TMEM255B: variants seen among roughly 807,000 people sequenced by gnomAD.
TMEM255B encodes the protein transmembrane protein 255B.
In TMEM255B, 35 loss-of-function variants were observed where a neutral mutation model predicts 34.5. The ratio of observed to expected loss-of-function variants is 1.01; its 90% CI spans 0.77 to 1.34. The LOEUF (loss-of-function observed/expected upper bound fraction) is 1.34. Ranked by LOEUF, TMEM255B falls within the 40% of genes most tolerant of loss-of-function variation. The pLI, the probability that TMEM255B is intolerant of heterozygous loss-of-function variation, is 0.00. For synonymous variants in TMEM255B, 206 were observed against 201.2 expected (o/e 1.02, Z -0.20); for missense variants, 432 against 433.2 (o/e 1.00, Z 0.02).
intron 7 of TMEM255B, 70 bp downstream of exon 7, chr13:113,801,882 G>A (rs774263605): frequency 5.8e-5 from 85 of 1,459,790 alleles, no homozygotes; most frequent in Non-Finnish European, 7.6e-5. Context: ...CCCCGGGGTG[G>A]GCTGGGGGGC....
chr13:113,766,761 C>T (rs1348208726), intron 2 of TMEM255B, among the ~76,000 whole-genome samples: 2 of 152,158 alleles, frequency 1.3e-5, no homozygotes, highest in African/African-American at 2.4e-5. Context: ...GGTCAAAGAT[C>T]GTATTAGTGA....
chr13:113,764,297 GT>G (rs1264289761), intron 1 of TMEM255B, among the ~76,000 whole-genome samples: 3 of 152,190 alleles, frequency 2.0e-5, no homozygotes, highest in Non-Finnish European at 4.4e-5. Flanking sequence ...ACCCCTCTAG[GT>G]TTATTCAGTG....
chr13:113,780,706 C>T lies in TMEM255B; in HGVS notation c.252+11546C>T, dbSNP rs188088308. Among the ~76,000 whole-genome samples the T allele has an allele frequency of 2.6e-5, 4 of 152,258 alleles. No individual in the cohort carries two copies. In the East Asian group the frequency reaches 7.7e-4, roughly 29 times the overall value. On this transcript the variant is annotated intron_variant, in intron 3 of 8. Transcript: ENST00000375353. ...CACAGTCTTCAAAGTTATCAGAAAC[C>T]TGTATTGAAGAGCACCTGGTAAAAC...
rs35808106 is a variant in TMEM255B at position 113,766,231 on chromosome 13, G to A, written c.163G>A (p.Val55Ile). ...AATTRTENVT[V>I]GGYYPGIILG... ...CACCACCAGGACGGAGAATGTGACC[G>A]TTGGGGGCTACTACCCAGGGATCAT... Residue 55 changes from valine to isoleucine, a missense_variant, in exon 2 of 9, where the codon GTT becomes ATT. By Grantham distance (29) the Val-to-Ile change is conservative. Coordinates refer to ENST00000375353, the MANE Select transcript of TMEM255B (RefSeq NM_182614.4). 2.0e-3 allele frequency: 3,236 copies of A among 1,614,202 alleles called. 4 individuals are homozygous for A. The highest frequency in any genetic ancestry group is 2.6e-3 in the Non-Finnish European group (3,034 of 1,180,020).
At chr13:113,772,416 A>C (rs939654989) in intron 3 of TMEM255B, among the ~76,000 whole-genome samples, 1 of 152,214 alleles carries the variant, frequency 6.6e-6, no homozygotes, top group Non-Finnish European at 1.5e-5. Flanking sequence ...TACAAATCTA[A>C]GGACATGAAG....
At chr13:113,810,203 C>T (rs2051272749) in intron 8 of TMEM255B, among the ~76,000 whole-genome samples, 2 of 152,124 alleles carry the variant, frequency 1.3e-5, no homozygotes, top group African/African-American at 4.8e-5. Context: ...TCTCATGGGA[C>T]CCTGCAGGCT....
intron 8 of TMEM255B, among the ~76,000 whole-genome samples, chr13:113,809,591 AGGG>A (rs1398002549): frequency 2.2e-5 from 1 of 44,718 alleles, no homozygotes; most frequent in Non-Finnish European, 4.2e-5. Flanking sequence ...TCCTGGGGGG[AGGG>A]GTTTACTCCG....
In TMEM255B at chr13:113,814,695, C is replaced by G. The variant is rs540003286; in HGVS notation, c.*2792C>G. The G allele has an allele frequency of 1.3e-5, 2 of 152,358 alleles. No individual in the cohort carries two copies. Among genetic ancestry groups the G allele is most frequent in the South Asian group, 4.1e-4 (2 of 4,834 alleles). The allele number at this position is 152,358 out of a possible 1,614,324, so 9.4% of individuals were successfully genotyped here. A position where few individuals can be genotyped will look rare whatever the true frequency, so the allele number is the denominator to read the frequency against. ...GCCACCAAGCTCTGCCAGCCTGAGT[C>G]ACGGTCTGATGAACCCCCTCTCTGG... On this transcript the variant is annotated 3_prime_UTR_variant, in exon 9 of 9. Transcript: ENST00000375353.
chr13:113,799,767 G>T, intron 5 of TMEM255B: 1 of 683,450 alleles, frequency 1.5e-6, no homozygotes, highest in Non-Finnish European at 2.7e-6. Flanking sequence ...GAAACTTCTG[G>T]ATTTCCCTGA....
At chr13:113,790,883 C>T (rs372439486) in intron 3 of TMEM255B, among the ~76,000 whole-genome samples, 9 of 152,254 alleles carry the variant, frequency 5.9e-5, no homozygotes, top group South Asian at 2.1e-4. Context: ...ACTTGCTGCG[C>T]GTGGCCACAC....
chr13:113,793,598 G>T (rs1345330780), intron 3 of TMEM255B, among the ~76,000 whole-genome samples: 1 of 152,188 alleles, frequency 6.6e-6, no homozygotes, highest in Admixed American at 6.5e-5. Context: ...CGCTGCCCCA[G>T]CCCTACCGCC....
chr13:113,799,268 T>C (rs999373079), intron 4 of TMEM255B, 71 bp from the exon 5 acceptor site: 9 of 1,485,108 alleles, frequency 6.1e-6, no homozygotes, highest in Admixed American at 1.8e-5. Flanking sequence ...CCCACAGGCC[T>C]GAAATTGCCT....
At chr13:113,787,070 T>G (rs552003739) in intron 3 of TMEM255B, among the ~76,000 whole-genome samples, 109 of 152,214 alleles carry the variant, frequency 7.2e-4, no homozygotes, top group Non-Finnish European at 1.3e-3. Context: ...CTCTGACACT[T>G]TAATGAACAG....
chr13:113,815,138 C>G lies in TMEM255B; in HGVS notation c.*3235C>G, dbSNP rs2051387993. 1 of 152,202 alleles carries G rather than the reference C, an allele frequency of 6.6e-6. No individual in the cohort carries two copies. Among genetic ancestry groups the G allele is most frequent in the Non-Finnish European group, 1.5e-5 (1 of 68,122 alleles). 9.4% of individuals were successfully genotyped at this position (152,202 alleles called of 1,614,324 possible). A position where few individuals can be genotyped will look rare whatever the true frequency, so the allele number is the denominator to read the frequency against. On this transcript the variant is annotated 3_prime_UTR_variant, in exon 9 of 9. Coordinates refer to ENST00000375353, the MANE Select transcript of TMEM255B (RefSeq NM_182614.4). Reference sequence around the variant, plus strand: ...GAGTCTCCTCCTGCCTCAGTTTCTACATTTCACACAGCAGCACTGCTCACA... The same window carrying G: ...GAGTCTCCTCCTGCCTCAGTTTCTAGATTTCACACAGCAGCACTGCTCACA...
At chr13:113,764,426 G>A (rs1166920516) in intron 1 of TMEM255B, among the ~76,000 whole-genome samples, 1 of 152,196 alleles carries the variant, frequency 6.6e-6, no homozygotes, top group Admixed American at 6.5e-5. Context: ...TCCCTGGCCC[G>A]CACCGGGCTG....
rs1306790762 is a variant in TMEM255B, at chr13:113,790,301, A to G, written c.253-4847A>G. Among the ~76,000 whole-genome samples the G allele has an allele frequency of 1.4e-4, 16 of 117,828 alleles. 3 individuals are homozygous for G. Among genetic ancestry groups the G allele is most frequent in the Non-Finnish European group, 2.7e-4 (14 of 51,910 alleles). The allele number at this position is 117,828 out of a possible 152,430, so 77.3% of individuals were successfully genotyped here. A position where few individuals can be genotyped will look rare whatever the true frequency, so the allele number is the denominator to read the frequency against. ...ACGTGGACATCCTAGCACTGAACTG[A>G]CTGGACACATGGACATCCTAGCTGT... On this transcript the variant is annotated intron_variant, in intron 3 of 8. Transcript: ENST00000375353.
chr13:113,783,229 C>T (rs1010906154), intron 3 of TMEM255B, among the ~76,000 whole-genome samples: 1 of 152,148 alleles, frequency 6.6e-6, no homozygotes, highest in African/African-American at 2.4e-5. Flanking sequence ...TCATAATTAA[C>T]TGCCTTATGG....
intron 3 of TMEM255B, among the ~76,000 whole-genome samples, chr13:113,794,327 C>T (rs1449258619): frequency 6.6e-6 from 1 of 152,126 alleles, no homozygotes; most frequent in Admixed American, 6.5e-5. Flanking sequence ...CTCAGGCTTC[C>T]CCTGTCCCTG....
Position 113,816,273 on chromosome 13 carries a change from G to A in TMEM255B, c.*4370G>A, listed in dbSNP as rs1228492734. 1.3e-5 allele frequency: 2 copies of A among 157,980 alleles called. No homozygotes were observed. The highest frequency in any genetic ancestry group is 2.6e-5 in the Non-Finnish European group (2 of 77,310). The allele number at this position is 157,980 out of a possible 1,614,324, so 9.8% of individuals were successfully genotyped here. A position where few individuals can be genotyped will look rare whatever the true frequency, so the allele number is the denominator to read the frequency against. On this transcript the variant is annotated 3_prime_UTR_variant, in exon 9 of 9. Transcript: ENST00000375353. ...TTTCGGGGAGGCAAGTGTGTTCTAA[G>A]CGTGTTCTGGATGGGGAGAGGTGCA...
Sources: gnomAD v4.1 joint callset for allele counts (sites outside exome capture counted in the v4.1 genomes callset) on GRCh38, gnomAD v4.1.1 for gene constraint, MANE v1.5 for transcripts, NCBI Gene and HGNC (gene_info 2026-07-23, HGNC 2026-07-21) for gene names.